DLGAP1: variants seen among roughly 807,000 people sequenced by gnomAD.
The protein encoded by DLGAP1 is DLG associated protein 1, also known as disks large-associated protein 1.
In DLGAP1, 11 loss-of-function variants were observed where a neutral mutation model predicts 90.8. The ratio of observed to expected loss-of-function variants is 0.12; its 90% CI spans 0.08 to 0.20. The LOEUF is 0.20. Ranked by LOEUF, DLGAP1 falls within the 10% of genes least tolerant of loss-of-function variation. The pLI is 1.00. For synonymous variants in DLGAP1, 558 were observed against 540.7 expected, an observed-to-expected ratio of 1.03 and a Z score of -0.44; for missense variants, 1,050 against 1,333.8, an observed-to-expected ratio of 0.79 and a Z score of 3.31.
At chr18:3,739,892 G>A (rs577650969) in intron 6 of DLGAP1, among the ~76,000 whole-genome samples, 2 of 152,282 alleles carry the variant, frequency 1.3e-5, no homozygotes, top group African/African-American at 4.8e-5. Context: ...ACCTAAGGCC[G>A]AATGGCTACG....
chr18:3,911,225 T>G (rs188889210), intron 3 of DLGAP1, among the ~76,000 whole-genome samples: 101 of 152,324 alleles, frequency 6.6e-4, no homozygotes, highest in African/African-American at 2.3e-3. Context: ...GTCTGGATCT[T>G]ATACATATTT....
chr18:4,251,766 C>T (rs969784509), intron 1 of DLGAP1, among the ~76,000 whole-genome samples: 14 of 152,218 alleles, frequency 9.2e-5, no homozygotes, highest in African/African-American at 2.2e-4. Context: ...GAATCATGAA[C>T]GCACAACTGT....
intron 1 of DLGAP1, among the ~76,000 whole-genome samples, chr18:4,446,048 G>T (rs2083657488): frequency 6.6e-6 from 1 of 152,126 alleles, no homozygotes; most frequent in Admixed American, 6.5e-5. Context: ...TTGAGTACAT[G>T]CAAATAAACA....
At chr18:3,803,071 A>C (rs1204816347) in intron 5 of DLGAP1, among the ~76,000 whole-genome samples, 1 of 152,144 alleles carries the variant, frequency 6.6e-6, no homozygotes, top group Admixed American at 6.5e-5. Flanking sequence ...TGCCTCGTAG[A>C]GCGTGTCGAT....
At chr18:4,241,883 AT>A (rs2078542163) in intron 1 of DLGAP1, among the ~76,000 whole-genome samples, 2 of 152,126 alleles carry the variant, frequency 1.3e-5, no homozygotes, top group South Asian at 4.1e-4. Flanking sequence ...ACATTTTTAA[AT>A]TTATTTTTAA....
intron 1 of DLGAP1, among the ~76,000 whole-genome samples, chr18:4,242,804 G>A (rs1312930050): frequency 6.6e-6 from 1 of 152,084 alleles, no homozygotes; most frequent in Non-Finnish European, 1.5e-5. Context: ...GATCATGCAT[G>A]TAGTACCCAT....
At chr18:4,124,495 G>T (rs2076202174) in intron 2 of DLGAP1, among the ~76,000 whole-genome samples, 1 of 152,236 alleles carries the variant, frequency 6.6e-6, no homozygotes, top group Non-Finnish European at 1.5e-5. Flanking sequence ...ACAGGCCAGG[G>T]CCTCTGGCTC....
At chr18:4,141,384 C>T (rs1478189053) in intron 2 of DLGAP1, among the ~76,000 whole-genome samples, 2 of 151,924 alleles carry the variant, frequency 1.3e-5, no homozygotes, top group African/African-American at 4.8e-5. Flanking sequence ...ATAGCCCAAA[C>T]CTACTACTTT....
chr18:4,340,391 T>C (rs1463074446), intron 1 of DLGAP1, among the ~76,000 whole-genome samples: 1 of 152,180 alleles, frequency 6.6e-6, no homozygotes, highest in Non-Finnish European at 1.5e-5. Flanking sequence ...ATTTAAAACT[T>C]AGAATTTATT....
At chr18:3,679,299 C>T (rs746275782) in intron 7 of DLGAP1, among the ~76,000 whole-genome samples, 9 of 148,200 alleles carry the variant, frequency 6.1e-5, no homozygotes, top group African/African-American at 9.9e-5. Context: ...AGTTGGTTTT[C>T]CAACATAAAA....
intron 1 of DLGAP1, among the ~76,000 whole-genome samples, chr18:4,380,925 T>A (rs1302283661): frequency 6.6e-6 from 1 of 152,122 alleles, no homozygotes; most frequent in Admixed American, 6.6e-5. Context: ...TCCCTCCCTA[T>A]TGACCTGATT....
chr18:3,605,239 C>T (rs1344040688), intron 7 of DLGAP1, among the ~76,000 whole-genome samples: 1 of 152,152 alleles, frequency 6.6e-6, no homozygotes, highest in African/African-American at 2.4e-5. Flanking sequence ...ATATTCTTTC[C>T]TCTGGTTTTT....
chr18:4,164,634 C>A lies in DLGAP1; in HGVS notation c.-266-13347G>T, dbSNP rs143672434. Among the ~76,000 whole-genome samples the A allele has an allele frequency of 1.3e-3, 195 of 152,096 alleles. 3 individuals carry two copies. Among genetic ancestry groups the A allele is most frequent in the African/African-American group, 4.1e-3 (172 of 41,492 alleles). ...GGCGAAGGTTGCAGTGAGCCAAGAT[C>A]GCACCACTGCTCCCCAGCCTGGGCA... On this transcript the variant is annotated intron_variant, in intron 1 of 12. Transcript: ENST00000315677.
intron 1 of DLGAP1, among the ~76,000 whole-genome samples, chr18:4,392,214 C>T (rs2144436400): frequency 6.6e-6 from 1 of 152,258 alleles, no homozygotes; most frequent in South Asian, 2.1e-4. Context: ...TGGTAGGCAG[C>T]ACAGCCTGAG....
At chr18:3,591,114 A>G (rs551516252) in intron 7 of DLGAP1, among the ~76,000 whole-genome samples, 1 of 152,272 alleles carries the variant, frequency 6.6e-6, no homozygotes, top group Admixed American at 6.5e-5. Context: ...TACCAGAGAT[A>G]GGCTGAGAAG....
chr18:3,873,507 T>C (rs1320403184), intron 4 of DLGAP1, among the ~76,000 whole-genome samples: 2 of 152,168 alleles, frequency 1.3e-5, no homozygotes, highest in African/African-American at 4.8e-5. Flanking sequence ...CCAAAGTCAT[T>C]AGCAGAACTG....
chr18:3,648,174 T>A (rs1342903787), intron 7 of DLGAP1, among the ~76,000 whole-genome samples: 1 of 152,212 alleles, frequency 6.6e-6, no homozygotes, highest in Non-Finnish European at 1.5e-5. Context: ...TCAAAACATT[T>A]CACATCCTTA....
intron 1 of DLGAP1, among the ~76,000 whole-genome samples, chr18:4,237,481 G>C (rs1452517810): frequency 6.6e-6 from 1 of 152,140 alleles, no homozygotes; most frequent in African/African-American, 2.4e-5. Context: ...TCTGGGGAAG[G>C]ACGGGGGTTG....
At chr18:3,924,061 C>T (rs967427392) in intron 3 of DLGAP1, among the ~76,000 whole-genome samples, 3 of 152,320 alleles carry the variant, frequency 2.0e-5, no homozygotes, top group East Asian at 3.9e-4. Flanking sequence ...CATCTTTCCT[C>T]TATCTGTTGT....
Sources: allele counts gnomAD v4.1 joint callset (sites outside exome capture counted in the v4.1 genomes callset), GRCh38; gene constraint gnomAD v4.1.1; transcripts MANE v1.5; gene names NCBI Gene and HGNC (gene_info 2026-07-23, HGNC 2026-07-21).